TANGO6: variants seen among roughly 807,000 people sequenced by gnomAD.
TANGO6 encodes transport and golgi organization 6 homolog.
Under a neutral mutation model 114.2 loss-of-function variants are expected in TANGO6, and 90 were observed. The observed-to-expected ratio is 0.79, with a 90% confidence interval of 0.66 to 0.94. The LOEUF is 0.94. TANGO6 is among the 40% of genes least tolerant of loss of function. The pLI is 0.00. For synonymous variants in TANGO6, 477 were observed against 509.8 expected, an observed-to-expected ratio of 0.94 and a Z score of 0.87; for missense variants, 1,274 against 1,315.3, an observed-to-expected ratio of 0.97 and a Z score of 0.49.
chr16:69,036,120 C>CATCT (rs1959683461), intron 16 of TANGO6: 1 of 151,460 alleles, frequency 6.6e-6, no homozygotes, highest in Admixed American at 6.6e-5. Context: ...ACCAGTTCAT[C>CATCT]ATCTATCTAT....
rs187775748 is a variant in TANGO6 at position 69,058,970 on chromosome 16, C to T, written c.3108+18549C>T. Reference sequence around the variant, plus strand: ...TCACCCAGGCTGGAATACAATGCTGCGATCTCGGCTCACTGCAACCTCTGC... The same window carrying T: ...TCACCCAGGCTGGAATACAATGCTGTGATCTCGGCTCACTGCAACCTCTGC... On this transcript the variant is annotated intron_variant, in intron 17 of 17. Coordinates refer to ENST00000261778, the MANE Select transcript of TANGO6 (RefSeq NM_024562.2). 3.3e-5 allele frequency among the ~76,000 whole-genome samples: 5 copies of T among 151,366 alleles called. No homozygotes were observed. In the East Asian group the frequency reaches 5.8e-4, roughly 18 times the overall value.
At chr16:68,952,051 G>A (rs944551527) in intron 14 of TANGO6, among the ~76,000 whole-genome samples, 5 of 152,146 alleles carry the variant, frequency 3.3e-5, no homozygotes, top group Admixed American at 6.5e-5. Context: ...ATATAGACTA[G>A]CTGTCACAAA....
chr16:68,918,105 C>T (rs992681727), intron 11 of TANGO6, among the ~76,000 whole-genome samples: 12 of 151,910 alleles, frequency 7.9e-5, no homozygotes, highest in Admixed American at 7.2e-4. Context: ...AGACAGGGTT[C>T]ACCATGTTGG....
chr16:68,922,444 G>A (rs961294505), intron 12 of TANGO6, among the ~76,000 whole-genome samples: 4 of 152,028 alleles, frequency 2.6e-5, no homozygotes, highest in African/African-American at 9.7e-5. Flanking sequence ...GCTGAGGCAG[G>A]AGAATCGCTT....
intron 15 of TANGO6, among the ~76,000 whole-genome samples, chr16:68,997,970 G>A (rs1340464992): frequency 1.3e-5 from 2 of 152,178 alleles, no homozygotes; most frequent in Non-Finnish European, 2.9e-5. Context: ...GTGTTGGTAT[G>A]GTGAGGGCCA....
chr16:68,924,937 C>G (rs773471466), intron 12 of TANGO6, among the ~76,000 whole-genome samples: 93 of 152,272 alleles, frequency 6.1e-4, no homozygotes, highest in Non-Finnish European at 1.1e-3. Flanking sequence ...GGCCAGGGAT[C>G]CCAGGTCACA....
chr16:68,910,326 G>A lies in TANGO6; in HGVS notation c.1992+924G>A, dbSNP rs192073030. Reference sequence around the variant, plus strand: ...AATTATGCTCATGATTTCTTTCCTGGCCTCTTATTCTTTCAGTTCACTGAC... The same window carrying A: ...AATTATGCTCATGATTTCTTTCCTGACCTCTTATTCTTTCAGTTCACTGAC... On this transcript the variant is annotated intron_variant, in intron 11 of 17. Transcript: ENST00000261778. 4.3e-3 allele frequency among the ~76,000 whole-genome samples: 660 copies of A among 152,188 alleles called. 1 individual carries two copies. Among genetic ancestry groups the A allele is most frequent in the Middle Eastern group, 0.014 (4 of 294 alleles).
intron 5 of TANGO6, among the ~76,000 whole-genome samples, chr16:68,876,570 C>T (rs1024460819): frequency 2.0e-5 from 3 of 151,690 alleles, no homozygotes; most frequent in Non-Finnish European, 4.4e-5. Context: ...CCTGTAATCC[C>T]AGCAGTTTGG....
intron 5 of TANGO6, among the ~76,000 whole-genome samples, 152 bp downstream of exon 5, chr16:68,875,442 C>T (rs146476207): frequency 3.3e-5 from 5 of 152,004 alleles, no homozygotes; most frequent in East Asian, 1.9e-4. Context: ...GAATAAAAAC[C>T]GGTGGAAGAG....
chr16:69,070,900 A>G (rs1220500351), intron 17 of TANGO6, among the ~76,000 whole-genome samples: 1 of 151,618 alleles, frequency 6.6e-6, no homozygotes, highest in Non-Finnish European at 1.5e-5. Context: ...CAGCCTCCCA[A>G]GTAACTGGGA....
chr16:69,017,469 C>T (rs977070395), intron 15 of TANGO6, among the ~76,000 whole-genome samples: 1 of 151,992 alleles, frequency 6.6e-6, no homozygotes, highest in African/African-American at 2.4e-5. Flanking sequence ...CTGCAATTTC[C>T]CCTGCTTGTA....
chr16:68,931,739 G>A (rs1963242628), intron 14 of TANGO6, among the ~76,000 whole-genome samples: 1 of 152,158 alleles, frequency 6.6e-6, no homozygotes, highest in Admixed American at 6.6e-5. Context: ...CCTAGGGCTG[G>A]GGTAAAGGAG....
chr16:69,047,149 C>T (rs1251887139), intron 17 of TANGO6, among the ~76,000 whole-genome samples: 2 of 145,690 alleles, frequency 1.4e-5, no homozygotes, highest in Non-Finnish European at 3.0e-5. Context: ...CAACTGCACT[C>T]CAGCCTGGGC....
chr16:69,082,874 G>C (rs941848420), intron 17 of TANGO6, among the ~76,000 whole-genome samples: 3 of 152,176 alleles, frequency 2.0e-5, no homozygotes, highest in Non-Finnish European at 4.4e-5. Context: ...TATCTGGGCA[G>C]TCTTGCCTGT....
At chr16:68,997,666 C>T (rs1461804569) in intron 15 of TANGO6, among the ~76,000 whole-genome samples, 1 of 152,126 alleles carries the variant, frequency 6.6e-6, no homozygotes, top group East Asian at 1.9e-4. Context: ...TCTTGTGAAA[C>T]CAGTCCCACT....
At chr16:68,992,010 A>T (rs955768222) in intron 15 of TANGO6, among the ~76,000 whole-genome samples, 63 of 151,280 alleles carry the variant, frequency 4.2e-4, no homozygotes, top group African/African-American at 1.5e-3. Context: ...TTTTTTTTTT[A>T]AACATTTAGT....
chr16:68,893,102 T>G (rs1962649420), intron 7 of TANGO6, among the ~76,000 whole-genome samples: 1 of 152,206 alleles, frequency 6.6e-6, no homozygotes, highest in African/African-American at 2.4e-5. Flanking sequence ...CATTGAAACT[T>G]CAGTTGTTTT....
At chr16:68,900,921 A>T (rs926257123) in intron 8 of TANGO6, among the ~76,000 whole-genome samples, 6 of 152,208 alleles carry the variant, frequency 3.9e-5, no homozygotes, top group African/African-American at 1.4e-4. Context: ...CACATTTGGG[A>T]AATCTAGATC....
intron 17 of TANGO6, among the ~76,000 whole-genome samples, chr16:69,075,507 G>T (rs1960361144): frequency 6.7e-6 from 1 of 149,628 alleles, no homozygotes; most frequent in East Asian, 2.0e-4. Flanking sequence ...AGGCCAGAGT[G>T]CAGTGGCAAG....
Sources: allele counts gnomAD v4.1 joint callset (sites outside exome capture counted in the v4.1 genomes callset), GRCh38; gene constraint gnomAD v4.1.1; transcripts MANE v1.5; gene names NCBI Gene and HGNC (gene_info 2026-07-23, HGNC 2026-07-21).